The following GAN variants were observed in gnomAD, a reference collection of about 807,000 sequenced individuals.
GAN encodes the protein epididymis secretory sperm binding protein.
GAN carries 48 observed loss-of-function variants against 71.3 expected under a neutral mutation model. The observed-to-expected ratio is 0.67, with a 90% CI of 0.53 to 0.86. The LOEUF (loss-of-function observed/expected upper bound fraction) is 0.86, where lower values mean the gene tolerates loss of function less well. Among genes scored for constraint, GAN ranks in the 40% least tolerant of loss-of-function variants. The pLI is 0.00. For synonymous variants in GAN, 386 were observed against 276.8 expected (o/e 1.39, Z -3.92); for missense variants, 928 against 770.1 (o/e 1.21, Z -2.43).
intron 1 of GAN, among the ~76,000 whole-genome samples, chr16:81,331,222 C>T (rs1322960473): frequency 5.9e-5 from 9 of 152,058 alleles, no homozygotes; most frequent in South Asian, 2.1e-4. Flanking sequence ...AAAGGCAAAT[C>T]CAAGTTGAGG....
intron 1 of GAN, among the ~76,000 whole-genome samples, chr16:81,337,774 C>T (rs1191385542): frequency 6.6e-6 from 1 of 152,150 alleles, no homozygotes; most frequent in African/African-American, 2.4e-5. Flanking sequence ...TGTTTCACTT[C>T]CTGCTCTACT....
chr16:81,328,454 G>A, intron 1 of GAN, among the ~76,000 whole-genome samples: 1 of 152,172 alleles, frequency 6.6e-6, no homozygotes, highest in East Asian at 1.9e-4. Flanking sequence ...TTTGCAGGCT[G>A]AATGATGACA....
At chr16:81,331,440 A>T (rs929374242) in intron 1 of GAN, among the ~76,000 whole-genome samples, 1 of 152,238 alleles carries the variant, frequency 6.6e-6, no homozygotes, top group Admixed American at 6.5e-5. Context: ...TTTCTGTAAC[A>T]ATATTAATTT....
At chr16:81,346,799 A>C (rs1261253150) in intron 1 of GAN, among the ~76,000 whole-genome samples, 3 of 152,160 alleles carry the variant, frequency 2.0e-5, no homozygotes, top group Non-Finnish European at 1.5e-5. Context: ...TGGTGCTGGG[A>C]GAGAAGACTG....
At position 81,382,860 on chromosome 16, in the gene GAN, A is replaced by G. The variant is rs548476417; in HGVS notation, c.*5264A>G. 1.3e-5 allele frequency: 2 copies of G among 152,344 alleles called. No individual in the cohort carries two copies. The highest frequency in any genetic ancestry group is 4.1e-4 in the South Asian group (2 of 4,824). The allele number at this position is 152,344 out of a possible 1,614,324, so 9.4% of individuals were successfully genotyped here. On this transcript the variant is annotated 3_prime_UTR_variant, in exon 11 of 11. Transcript: ENST00000648994. ...TTATTTCCATTTTAAACATATTTCA[A>G]TATTGTCTCATTGTAATAGTTCCAT... is the stretch of plus-strand genomic sequence containing the variant.
chr16:81,377,495 C>T lies in GAN; in HGVS notation c.1693C>T (p.Leu565Phe), dbSNP rs978483612. 2 of 1,614,082 alleles carry T rather than the reference C, an allele frequency of 1.2e-6. No homozygotes were observed. Among genetic ancestry groups the T allele is most frequent in the South Asian group, 1.1e-5 (1 of 91,084 alleles). The change falls in exon 11 of 11, where the codon CTT becomes TTT. Residue 565 changes from leucine to phenylalanine, a missense_variant. Transcript: ENST00000648994. ...HHTKPLLPSDLRRTGCAALRI... is the reference protein window; with the variant it reads ...HHTKPLLPSDFRRTGCAALRI... The stretch of plus-strand genomic sequence containing the variant: ...CACTAAACCACTCCTTCCATCCGAC[C>T]TTCGCCGTACAGGATGTGCAGCCTT...
At chr16:81,331,074 G>A (rs372480751) in intron 1 of GAN, among the ~76,000 whole-genome samples, 11 of 152,142 alleles carry the variant, frequency 7.2e-5, no homozygotes, top group Non-Finnish European at 1.5e-4. Flanking sequence ...GCATGGTGGC[G>A]CACACCTGTA....
At chr16:81,364,013 C>A in intron 7 of GAN, 70 bp downstream of exon 7, 7 of 1,091,216 alleles carry the variant, frequency 6.4e-6, no homozygotes, top group South Asian at 1.2e-5. Flanking sequence ...GTCTTCATAT[C>A]CTGAATAAAC....
chr16:81,336,518 C>A (rs1031295499), intron 1 of GAN, among the ~76,000 whole-genome samples: 1 of 152,098 alleles, frequency 6.6e-6, no homozygotes, highest in African/African-American at 2.4e-5. Flanking sequence ...GGCTGAAGTG[C>A]AGTGGCATGA....
intron 1 of GAN, among the ~76,000 whole-genome samples, chr16:81,347,688 T>C (rs1225005777): frequency 6.6e-6 from 1 of 152,208 alleles, no homozygotes; most frequent in Non-Finnish European, 1.5e-5. Flanking sequence ...TCTGAAATAA[T>C]TTTCTTTCAG....
chr16:81,349,126 G>A (rs1315059317), intron 1 of GAN, among the ~76,000 whole-genome samples: 2 of 152,150 alleles, frequency 1.3e-5, no homozygotes, highest in African/African-American at 4.8e-5. Flanking sequence ...GGAGAATCCG[G>A]AAATTCAACT....
intron 1 of GAN, among the ~76,000 whole-genome samples, chr16:81,315,531 G>C (rs1909005979): frequency 6.6e-6 from 1 of 151,990 alleles, no homozygotes; most frequent in African/African-American, 2.4e-5. Context: ...AGTTGTCCCC[G>C]GACCCGGGCC....
chr16:81,369,210 A>G (rs74396316), intron 9 of GAN, among the ~76,000 whole-genome samples: 2,582 of 152,332 alleles, frequency 0.017, 69 homozygotes, highest in East Asian at 0.12. Context: ...GACAACTGGC[A>G]AAATCACCAT....
rs972715596 is a variant in GAN, at chr16:81,320,430, T to C, written c.167+5150T>C. On this transcript the variant is annotated intron_variant, in intron 1 of 10. Transcript: ENST00000648994. ...TTTGCTTCCCTGTTAATGCTGAGAATACACTCCCGAGGCAGCAGTATCCAC... is the reference window on the plus strand; with the variant it reads ...TTTGCTTCCCTGTTAATGCTGAGAACACACTCCCGAGGCAGCAGTATCCAC... 6.6e-5 allele frequency among the ~76,000 whole-genome samples: 10 copies of C among 152,220 alleles called. No homozygotes were observed. The South Asian group carries it at 1.2e-3, about 19-fold the overall frequency.
chr16:81,346,350 T>C (rs1190885798), intron 1 of GAN, among the ~76,000 whole-genome samples: 1 of 152,154 alleles, frequency 6.6e-6, no homozygotes, highest in Non-Finnish European at 1.5e-5. Context: ...AAAAGCCACA[T>C]TGTGGAACTT....
intron 1 of GAN, among the ~76,000 whole-genome samples, chr16:81,343,342 G>C (rs1170394547): frequency 6.6e-6 from 1 of 152,166 alleles, no homozygotes; most frequent in Non-Finnish European, 1.5e-5. Context: ...CAATATCCCT[G>C]ATGAACATTG....
At chr16:81,359,540 C>G (rs915932054) in intron 5 of GAN, among the ~76,000 whole-genome samples, 1 of 151,942 alleles carries the variant, frequency 6.6e-6, no homozygotes, top group African/African-American at 2.4e-5. Context: ...AAATTACAGC[C>G]TGTATTAAGT....
At chr16:81,327,467 A>AG (rs1909427558) in intron 1 of GAN, among the ~76,000 whole-genome samples, 1 of 152,200 alleles carries the variant, frequency 6.6e-6, no homozygotes. Flanking sequence ...TTCCTAAAAA[A>AG]GGAAAAAGGG....
At chr16:81,353,884 A>G (rs1910393335) in intron 2 of GAN, among the ~76,000 whole-genome samples, 1 of 152,200 alleles carries the variant, frequency 6.6e-6, no homozygotes, top group African/African-American at 2.4e-5. Context: ...CACTGCGTAC[A>G]GTGTTTTGGG....
Sources: gnomAD v4.1 joint callset for allele counts (sites outside exome capture counted in the v4.1 genomes callset) on GRCh38, gnomAD v4.1.1 for gene constraint, MANE v1.5 for transcripts, NCBI Gene and HGNC (gene_info 2026-07-23, HGNC 2026-07-21) for gene names.